ARHGAP26: variants seen among roughly 807,000 people sequenced by gnomAD.
ARHGAP26 encodes rho GTPase-activating protein 26.
In ARHGAP26, 38 loss-of-function variants were observed where a neutral mutation model predicts 104.8. That is an observed-to-expected ratio of 0.36 (90% CI 0.28 to 0.48). ARHGAP26 has a LOEUF of 0.48. Among genes scored for constraint, ARHGAP26 ranks in the 20% least tolerant of loss-of-function variants. The probability of loss-of-function intolerance (pLI) is 0.99; values close to 1 mark genes in which losing one functional copy is unlikely to be tolerated. For missense variants in ARHGAP26, 704 were observed against 947.9 expected, an observed-to-expected ratio of 0.74 and a Z score of 3.38; for synonymous variants, 341 against 340.0, an observed-to-expected ratio of 1.00 and a Z score of -0.03.
chr5:143,188,009 C>T (rs1805406101), intron 20 of ARHGAP26, among the ~76,000 whole-genome samples: 1 of 152,202 alleles, frequency 6.6e-6, no homozygotes. Context: ...GCAAACTACA[C>T]CAGCCCAGTC....
At chr5:143,053,813 G>T (rs753697932) in intron 14 of ARHGAP26, among the ~76,000 whole-genome samples, 1 of 151,910 alleles carries the variant, frequency 6.6e-6, no homozygotes, top group Non-Finnish European at 1.5e-5. Context: ...TTTCAGCCTT[G>T]TTCATATAAA....
intron 20 of ARHGAP26, among the ~76,000 whole-genome samples, chr5:143,198,871 G>T (rs1401842268): frequency 6.6e-6 from 1 of 152,160 alleles, no homozygotes; most frequent in Non-Finnish European, 1.5e-5. Flanking sequence ...TGGGTATATT[G>T]TGTGATGCTG....
At position 143,167,549 on chromosome 5, in the gene ARHGAP26, C is replaced by T. The variant is rs1314700403; in HGVS notation, c.1988+20168C>T. On this transcript the variant is annotated intron_variant, in intron 20 of 22. Coordinates refer to ENST00000645722, the MANE Select transcript of ARHGAP26 (RefSeq NM_001135608.3). ...CCATTGTTTGTAATAAGAATAGGGG[C>T]GCTCAAATGATTACATTTCATTTGT... Among the ~76,000 whole-genome samples the T allele has an allele frequency of 2.1e-4, 29 of 140,530 alleles. No homozygotes were observed. The South Asian group carries it at 2.1e-3, about 10-fold the overall frequency. The allele number at this position is 140,530 out of a possible 152,430, so 92.2% of individuals were successfully genotyped here. A position where few individuals can be genotyped will look rare whatever the true frequency, so the allele number is the denominator to read the frequency against.
intron 9 of ARHGAP26, among the ~76,000 whole-genome samples, chr5:142,910,886 T>C (rs1405803567): frequency 6.6e-6 from 1 of 152,234 alleles, no homozygotes; most frequent in African/African-American, 2.4e-5. Flanking sequence ...AACAGAGCTC[T>C]CCTAGGAGCT....
chr5:142,951,186 A>G (rs1052469662), intron 11 of ARHGAP26, among the ~76,000 whole-genome samples: 1 of 152,054 alleles, frequency 6.6e-6, no homozygotes, highest in African/African-American at 2.4e-5. Context: ...CAGCCTCCTG[A>G]GCAGCTGAGA....
chr5:143,038,318 T>C (rs996386465), intron 13 of ARHGAP26, among the ~76,000 whole-genome samples: 2 of 152,228 alleles, frequency 1.3e-5, no homozygotes, highest in African/African-American at 2.4e-5. Context: ...CCTACCCTTA[T>C]GTATACTGTC....
chr5:142,903,969 C>T (rs1760733033), intron 8 of ARHGAP26, among the ~76,000 whole-genome samples: 1 of 152,050 alleles, frequency 6.6e-6, no homozygotes, highest in African/African-American at 2.4e-5. Flanking sequence ...GCTTTATGTA[C>T]CATACCCTGA....
At chr5:142,911,072 G>A in intron 9 of ARHGAP26, among the ~76,000 whole-genome samples, 1 of 152,104 alleles carries the variant, frequency 6.6e-6, no homozygotes, top group East Asian at 1.9e-4. Context: ...CAGATCTGGA[G>A]TTGTGAGCAG....
chr5:142,817,024 G>T (rs1248357798), intron 1 of ARHGAP26, among the ~76,000 whole-genome samples: 3 of 152,188 alleles, frequency 2.0e-5, no homozygotes, highest in African/African-American at 7.2e-5. Flanking sequence ...AGATGCAGGA[G>T]CCAGGGCAGA....
At chr5:143,212,717 G>A (rs1022195671) in intron 21 of ARHGAP26, among the ~76,000 whole-genome samples, 7 of 152,208 alleles carry the variant, frequency 4.6e-5, no homozygotes, top group African/African-American at 9.7e-5. Flanking sequence ...TCTGCACGAT[G>A]GAGACCATGT....
intron 17 of ARHGAP26, among the ~76,000 whole-genome samples, chr5:143,080,915 A>G (rs780197952): frequency 2.6e-5 from 4 of 151,558 alleles, no homozygotes; most frequent in Admixed American, 6.6e-5. Context: ...GGACTAGGGT[A>G]GTAGTGGTGG....
rs377130735 is a variant in ARHGAP26, at chr5:142,894,394, C to A, written c.597+46C>A. The A allele has an allele frequency of 1.8e-5, 27 of 1,519,790 alleles. No individual in the cohort carries two copies. The African/African-American group carries it at 3.1e-4, about 18-fold the overall frequency. The allele number at this position is 1,519,790 out of a possible 1,614,324, so 94.1% of individuals were successfully genotyped here. On this transcript the variant is annotated intron_variant, in intron 6 of 22. Transcript: ENST00000645722. ...TAATGATGTACCCATATATTCATCCCTCATTCTAACTAGTAGTAGATTACA... is the reference window on the plus strand; with the variant it reads ...TAATGATGTACCCATATATTCATCCATCATTCTAACTAGTAGTAGATTACA...
chr5:143,007,711 C>T (rs1778187325), intron 11 of ARHGAP26, among the ~76,000 whole-genome samples: 1 of 152,122 alleles, frequency 6.6e-6, no homozygotes, highest in South Asian at 2.1e-4. Flanking sequence ...GGTGTAGTAC[C>T]CCATAGGCTT....
At chr5:142,818,388 G>A (rs112491217) in intron 1 of ARHGAP26, among the ~76,000 whole-genome samples, 1,603 of 152,272 alleles carry the variant, frequency 0.011, 36 homozygotes, top group African/African-American at 0.037. Context: ...GCCCATAGGT[G>A]TGGCATTGCT....
Position 143,041,798 on chromosome 5 carries a change from C to G in ARHGAP26, c.1211-18C>G. 1 of 1,593,900 alleles carries G rather than the reference C, an allele frequency of 6.3e-7. No individual in the cohort carries two copies. The highest frequency in any genetic ancestry group is 8.6e-7 in the Non-Finnish European group (1 of 1,167,548). ...TCTGACGTGCCTCTAATTAAATCAT[C>G]ACTGTTTCTTTCCTCAGGGATCAAC... On this transcript the variant is annotated intron_variant, in intron 13 of 22. Coordinates refer to ENST00000645722, the MANE Select transcript of ARHGAP26 (RefSeq NM_001135608.3).
intron 10 of ARHGAP26, among the ~76,000 whole-genome samples, chr5:142,928,869 A>G (rs770546650): frequency 4.9e-5 from 7 of 143,740 alleles, no homozygotes; most frequent in Non-Finnish European, 3.0e-5. Context: ...AGAGGTAAAA[A>G]GAGCTCTGAT....
At chr5:143,146,005 A>G (rs1352494034) in intron 19 of ARHGAP26, among the ~76,000 whole-genome samples, 2 of 152,202 alleles carry the variant, frequency 1.3e-5, no homozygotes, top group South Asian at 2.1e-4. Context: ...TGGCCTTTAA[A>G]TTATCATACC....
intron 5 of ARHGAP26, among the ~76,000 whole-genome samples, chr5:142,890,859 G>T (rs945322444): frequency 6.6e-6 from 1 of 152,206 alleles, no homozygotes; most frequent in Non-Finnish European, 1.5e-5. Flanking sequence ...ACTTGAGCAG[G>T]TCTCACCAGC....
intron 19 of ARHGAP26, among the ~76,000 whole-genome samples, chr5:143,139,372 G>T (rs1219802290): frequency 1.3e-5 from 2 of 152,158 alleles, no homozygotes; most frequent in African/African-American, 2.4e-5. Context: ...TCAGCAAATG[G>T]CAGAGAAGGG....
Sources: gnomAD v4.1 joint callset for allele counts (sites outside exome capture counted in the v4.1 genomes callset) on GRCh38, gnomAD v4.1.1 for gene constraint, MANE v1.5 for transcripts, NCBI Gene and HGNC (gene_info 2026-07-23, HGNC 2026-07-21) for gene names.